Variants in C9orf78 observed in about 807,000 individuals in gnomAD.
C9orf78 encodes the protein chromosome 9 open reading frame 78.
A neutral mutation model predicts 37.4 loss-of-function variants in C9orf78; 19 were observed. That is an observed-to-expected ratio of 0.51 (90% CI 0.35 to 0.74). The LOEUF (loss-of-function observed/expected upper bound fraction) is 0.74, where lower values mean the gene tolerates loss of function less well. Among genes scored for constraint, C9orf78 ranks in the 30% least tolerant of loss-of-function variants. C9orf78 has a pLI of 0.01. For synonymous variants in C9orf78, 130 were observed against 128.0 expected, an observed-to-expected ratio of 1.02 and a Z score of -0.10; for missense variants, 291 against 370.8, an observed-to-expected ratio of 0.78 and a Z score of 1.77.
rs1311718596 is a variant in C9orf78, at chr9:129,828,331, AAC to A, written c.779-81_779-80del. 8 of 848,884 alleles carry A rather than the reference AAC, an allele frequency of 9.4e-6. No individual in the cohort carries two copies. In the Admixed American group the frequency reaches 1.4e-4, roughly 15 times the overall value. 52.6% of individuals were successfully genotyped at this position (848,884 alleles called of 1,614,324 possible). On this transcript the variant is annotated intron_variant, in intron 8 of 8. Coordinates refer to ENST00000372447, the MANE Select transcript of C9orf78 (RefSeq NM_016520.3). ...GACTTTACTCCATGCAGGCAAAGAC[AAC>A]TGCCTGTTTCCTTCCCCACAGGAGC...
At chr9:129,833,776 A>T in intron 2 of C9orf78, 67 bp from the exon 3 acceptor site, 1 of 1,185,606 alleles carries the variant, frequency 8.4e-7, no homozygotes, top group Non-Finnish European at 1.2e-6. Context: ...GATAAGGAGG[A>T]ACCCTCTCAG....
In C9orf78 at chr9:129,827,336, T is replaced by C. The variant is rs1200600469; in HGVS notation, c.*825A>G. ...ATAATTCTAATAGTAATAAGAAACATAGTTTATGCTTTTTTTTTAATGAAA... is the reference window on the plus strand; with the variant it reads ...ATAATTCTAATAGTAATAAGAAACACAGTTTATGCTTTTTTTTTAATGAAA... On this transcript the variant is annotated 3_prime_UTR_variant, in exon 9 of 9. Coordinates refer to ENST00000372447, the MANE Select transcript of C9orf78 (RefSeq NM_016520.3). 6.6e-6 allele frequency: 1 copy of C among 152,096 alleles called. No homozygotes were observed. The highest frequency in any genetic ancestry group is 1.5e-5 in the Non-Finnish European group (1 of 68,026). 9.4% of individuals were successfully genotyped at this position (152,096 alleles called of 1,614,324 possible). A position where few individuals can be genotyped will look rare whatever the true frequency, so the allele number is the denominator to read the frequency against.
chr9:129,828,299 A>G lies in C9orf78; in HGVS notation c.779-47T>C, dbSNP rs189894266. Reference sequence around the variant, plus strand: ...AAGGTGGTTTGCCATGCTGGAACCCACTGCTAGACTTTACTCCATGCAGGC... The same window carrying G: ...AAGGTGGTTTGCCATGCTGGAACCCGCTGCTAGACTTTACTCCATGCAGGC... On this transcript the variant is annotated intron_variant, in intron 8 of 8. Transcript: ENST00000372447. The G allele has an allele frequency of 1.0e-4, 112 of 1,110,904 alleles. No individual in the cohort carries two copies. The African/African-American group carries it at 1.5e-3, about 15-fold the overall frequency. The allele number at this position is 1,110,904 out of a possible 1,614,324, so 68.8% of individuals were successfully genotyped here.
chr9:129,833,570 AT>A lies in C9orf78; in HGVS notation c.196-54del, dbSNP rs147726772. On this transcript the variant is annotated intron_variant, in intron 3 of 8. Transcript: ENST00000372447. ...AAGCATCTAAATACATGGTAGTGGA[AT>A]TTTTTTTTTTGTGAAGCACGCTCAC... 8.8e-3 allele frequency: 10,438 copies of A among 1,186,864 alleles called. 12 individuals are homozygous for A. The highest frequency in any genetic ancestry group is 0.024 in the Middle Eastern group (117 of 4,862). The allele number at this position is 1,186,864 out of a possible 1,614,324, so 73.5% of individuals were successfully genotyped here.
rs370856154 is a variant in C9orf78 at position 129,835,208 on chromosome 9, C to T, written c.14G>A (p.Arg5Gln). 6.2e-6 allele frequency: 10 copies of T among 1,609,828 alleles called. No homozygotes were observed. In the African/African-American group the frequency reaches 8.0e-5, roughly 13 times the overall value. ...GCCCCGGCGGCGACGGAAAATCTTC[C>T]GGACGACCGGCATGGTGACAACGGC... Reference protein sequence around the residue: MPVVRKIFRRRRGDS... With the variant: MPVVQKIFRRRRGDS... The change falls in exon 1 of 9, where the codon CGG (arginine) becomes CAG (glutamine). Residue 5 changes from arginine (R) to glutamine (Q), a missense_variant. Physicochemically the swap from Arg to Gln is conservative, Grantham distance 43 (BLOSUM62 1). Coordinates refer to ENST00000372447, the MANE Select transcript of C9orf78 (RefSeq NM_016520.3).
At chr9:129,828,309 T>C (rs2031397195) in intron 8 of C9orf78, 57 bp from the exon 9 acceptor site, 3 of 1,022,424 alleles carry the variant, frequency 2.9e-6, no homozygotes, top group Non-Finnish European at 4.6e-6. Flanking sequence ...ACTGCTAGAC[T>C]TTACTCCATG....
At position 129,829,284 on chromosome 9, in the gene C9orf78, G is replaced by C; in HGVS notation, c.699C>G (p.Asn233Lys). The stretch of plus-strand genomic sequence containing the variant: ...CTTCTTTGTTTCTCCGTATGGGCGC[G>C]TTGAGCTCCTCATGATAAACTGGAC... ...QHNRFYHEEL[N>K]APIRRNKEEP... The change falls in exon 8 of 9, where the codon AAC becomes AAG. Residue 233 changes from asparagine (N) to lysine (K), a missense_variant. By Grantham distance (94) the Asn-to-Lys change is moderately conservative. Around this residue, in one of 3 missense-constraint regions of C9orf78, gnomAD observed 120 missense variants for 148.7 expected, o/e 0.81. Coordinates refer to ENST00000372447, the MANE Select transcript of C9orf78 (RefSeq NM_016520.3). 3 of 1,608,908 alleles carry C rather than the reference G, an allele frequency of 1.9e-6. No individual in the cohort carries two copies. Among genetic ancestry groups the C allele is most frequent in the Non-Finnish European group, 2.5e-6 (3 of 1,177,592 alleles).
chr9:129,829,521 A>G lies in C9orf78; in HGVS notation c.563T>C (p.Ile188Thr). The G allele has an allele frequency of 6.2e-7, 1 of 1,613,900 alleles. No homozygotes were observed. The highest frequency in any genetic ancestry group is 1.3e-5 in the African/African-American group (1 of 75,006). ...LGIDAKIKNI[I>T]STEDAKARLL... Reference sequence around the variant, plus strand: ...ACGGGCCTTGGCATCCTCCGTGGAAATGATATTTTTTATTTTAGCACTATG... The same window carrying G: ...ACGGGCCTTGGCATCCTCCGTGGAAGTGATATTTTTTATTTTAGCACTATG... Residue 188 changes from isoleucine to threonine, a missense_variant, in exon 7 of 9, where the codon ATT becomes ACT. Ile to Thr is a moderately conservative substitution (Grantham distance 89). Around this residue, in one of 3 missense-constraint regions of C9orf78, gnomAD observed 120 missense variants for 148.7 expected, o/e 0.81. Transcript: ENST00000372447.
At chr9:129,833,222 G>A (rs1172833904) in intron 4 of C9orf78, among the ~76,000 whole-genome samples, 1 of 151,062 alleles carries the variant, frequency 6.6e-6, no homozygotes, top group African/African-American at 2.4e-5. Context: ...GAGTCATCAC[G>A]CCTACAATAC....
rs1300722398 is a variant in C9orf78 at position 129,831,977 on chromosome 9, G to A, written c.267-4C>T. 1.4e-6 allele frequency: 2 copies of A among 1,471,594 alleles called. No homozygotes were observed. The highest frequency in any genetic ancestry group is 1.9e-6 in the Non-Finnish European group (2 of 1,050,344). The allele number at this position is 1,471,594 out of a possible 1,614,324, so 91.2% of individuals were successfully genotyped here. A position where few individuals can be genotyped will look rare whatever the true frequency, so the allele number is the denominator to read the frequency against. ...CAGGTCCTCCTCCTCACTGATCCTG[G>A]AGGGAGAGAACAATGAGGCAGAGCT... On this transcript the variant is annotated splice_polypyrimidine_tract_variant and splice_region_variant and intron_variant, in intron 4 of 8. Transcript: ENST00000372447.
intron 4 of C9orf78, 82 bp from the exon 5 acceptor site, chr9:129,832,055 G>A (rs1031283432): frequency 3.7e-5 from 27 of 729,274 alleles, no homozygotes; most frequent in African/African-American, 2.5e-4. Context: ...AGAAAACAAA[G>A]ACATAAGCAT....
chr9:129,831,105 G>C, intron 5 of C9orf78, 37 bp from the exon 6 acceptor site: 1 of 1,315,646 alleles, frequency 7.6e-7, no homozygotes, highest in Non-Finnish European at 1.1e-6. Context: ...GGGAGGGGTG[G>C]GAAACACACA....
chr9:129,834,788 G>A, intron 1 of C9orf78, 22 bp from the exon 2 acceptor site: 1 of 1,568,984 alleles, frequency 6.4e-7, no homozygotes, highest in Non-Finnish European at 8.8e-7. Flanking sequence ...AGAAGAAGCA[G>A]CAATGCATAA....
At chr9:129,833,067 ATGTGTGTG>A (rs3054828) in intron 4 of C9orf78, among the ~76,000 whole-genome samples, 301 of 139,938 alleles carry the variant, frequency 2.2e-3, no homozygotes, top group African/African-American at 7.2e-3. Context: ...GTGTGTACAT[ATGTGTGTG>A]TGTGTGTGTG....
intron 7 of C9orf78, 28 bp downstream of exon 7, chr9:129,829,377 G>A: frequency 6.2e-7 from 1 of 1,610,558 alleles, no homozygotes; most frequent in Non-Finnish European, 8.5e-7. Flanking sequence ...AGGGGAATGG[G>A]GGCAAGACTG....
chr9:129,831,975 TG>T lies in C9orf78; in HGVS notation c.267-3del, dbSNP rs755815216. On this transcript the variant is annotated splice_region_variant and splice_polypyrimidine_tract_variant and intron_variant, in intron 4 of 8. Transcript: ENST00000372447. ...TGCAGGTCCTCCTCCTCACTGATCC[TG>T]GAGGGAGAGAACAATGAGGCAGAGC... 3.4e-6 allele frequency: 5 copies of T among 1,477,016 alleles called. No individual in the cohort carries two copies. Among genetic ancestry groups the T allele is most frequent in the East Asian group, 2.3e-5 (1 of 44,268 alleles). The allele number at this position is 1,477,016 out of a possible 1,614,324, so 91.5% of individuals were successfully genotyped here. A position where few individuals can be genotyped will look rare whatever the true frequency, so the allele number is the denominator to read the frequency against.
chr9:129,828,009 T>C lies in C9orf78; in HGVS notation c.*152A>G. ...GGTTTCTCCATGTTGGTCAGGCTGGTCTCAAACTCCCGACCTCAGGTGATC... is the reference window on the plus strand; with the variant it reads ...GGTTTCTCCATGTTGGTCAGGCTGGCCTCAAACTCCCGACCTCAGGTGATC... On this transcript the variant is annotated 3_prime_UTR_variant, in exon 9 of 9. Transcript: ENST00000372447. 2.0e-6 allele frequency: 1 copy of C among 489,924 alleles called. No individual in the cohort carries two copies. The highest frequency in any genetic ancestry group is 4.6e-5 in the East Asian group (1 of 21,940). The allele number at this position is 489,924 out of a possible 1,614,324, so 30.3% of individuals were successfully genotyped here.
intron 8 of C9orf78, 21 bp downstream of exon 8, chr9:129,829,184 C>A (rs376310519): frequency 1.9e-6 from 3 of 1,566,496 alleles, no homozygotes; most frequent in Admixed American, 3.3e-5. Flanking sequence ...CAGGCAGCCC[C>A]GAGGCCTTTG....
chr9:129,829,618 GC>G, intron 6 of C9orf78, 77 bp from the exon 7 acceptor site: 1 of 1,312,740 alleles, frequency 7.6e-7, no homozygotes, highest in Non-Finnish European at 1.1e-6. Context: ...GAGGCTGGCA[GC>G]CCAGCAGTAC....
Sources: allele counts gnomAD v4.1 joint callset (sites outside exome capture counted in the v4.1 genomes callset), GRCh38; gene constraint gnomAD v4.1.1; regional missense constraint gnomAD v4.1.1; transcripts MANE v1.5; gene names NCBI Gene and HGNC (gene_info 2026-07-23, HGNC 2026-07-21).